Variants in STX11 observed in about 807,000 individuals in gnomAD.
The protein encoded by STX11 is syntaxin-11.
A neutral mutation model predicts 19.9 loss-of-function variants in STX11; 21 were observed. That is an observed-to-expected ratio of 1.06 (90% CI 0.75 to 1.52). The LOEUF (loss-of-function observed/expected upper bound fraction) is 1.52. STX11 is among the 40% of genes most tolerant of loss of function. The pLI is 0.00. For synonymous variants in STX11, 193 were observed against 174.4 expected (o/e 1.11, Z -0.84); for missense variants, 438 against 405.9 (o/e 1.08, Z -0.68).
Position 144,160,338 on chromosome 6 carries a change from C to T in STX11, c.-6+9635C>T, listed in dbSNP as rs1481854853. Among the ~76,000 whole-genome samples, 1 of 152,122 alleles carries T rather than the reference C, an allele frequency of 6.6e-6. No homozygotes were observed. Among genetic ancestry groups the T allele is most frequent in the Admixed American group, 6.6e-5 (1 of 15,266 alleles). On this transcript the variant is annotated intron_variant, in intron 1 of 1. Transcript: ENST00000367568. This position sits in a 1 kb window ranked among gnomAD's most constrained non-coding sequence, Gnocchi z 4.3. ...AAATTATTTTTGTACCTCCTTATTT[C>T]TCCCCATAAATTGTAAGCTTAGGGT... is the stretch of plus-strand genomic sequence containing the variant.
Position 144,151,330 on chromosome 6 carries a change from A to G in STX11, c.-6+627A>G, listed in dbSNP as rs1392159534. The G allele has an allele frequency of 1.0e-6, 1 of 985,282 alleles. No individual in the cohort carries two copies. The highest frequency in any genetic ancestry group is 1.7e-5 in the African/African-American group (1 of 57,230). The allele number at this position is 985,282 out of a possible 1,614,324, so 61.0% of individuals were successfully genotyped here. A position where few individuals can be genotyped will look rare whatever the true frequency, so the allele number is the denominator to read the frequency against. On this transcript the variant is annotated intron_variant, in intron 1 of 1. Coordinates refer to ENST00000367568, the MANE Select transcript of STX11 (RefSeq NM_003764.4). The surrounding 1 kb of genome is among the most constrained non-coding windows in gnomAD (Gnocchi z 4.6). ...CTAGACTCCGCTGACACCAGCTGAG[A>G]TCTGTATTACTTCCTGTGGTTCTCA...
At position 144,165,397 on chromosome 6, in the gene STX11, G is replaced by A. The variant is rs550401139; in HGVS notation, c.-6+14694G>A. Among the ~76,000 whole-genome samples the A allele has an allele frequency of 1.3e-5, 2 of 152,112 alleles. No individual in the cohort carries two copies. The highest frequency in any genetic ancestry group is 4.1e-4 in the South Asian group (2 of 4,826). On this transcript the variant is annotated intron_variant, in intron 1 of 1. Coordinates refer to ENST00000367568, the MANE Select transcript of STX11 (RefSeq NM_003764.4). This position sits in a 1 kb window ranked among gnomAD's most constrained non-coding sequence, Gnocchi z 5.8. ...TTGAACCCGGGAGGCGGAGGTTGCG[G>A]TGAGCAGAGATCGCGCCATTGCACT...
Position 144,188,097 on chromosome 6 carries a change from C to G in STX11, c.*606C>G, listed in dbSNP as rs111644678. 0.01 allele frequency: 2,486 copies of G among 241,756 alleles called. 69 individuals carry two copies. The highest frequency in any genetic ancestry group is 0.05 in the African/African-American group (2,232 of 45,084). The allele number at this position is 241,756 out of a possible 1,614,324, so 15.0% of individuals were successfully genotyped here. On this transcript the variant is annotated 3_prime_UTR_variant, in exon 2 of 2. Transcript: ENST00000367568. The stretch of plus-strand genomic sequence containing the variant: ...ACTTACTATTTTCTTATCTCTTTCA[C>G]TTTTTAAATATCTTTCACCAGGTTA...
Position 144,167,810 on chromosome 6 carries a change from G to C in STX11, c.-6+17107G>C, listed in dbSNP as rs1321766946. Among the ~76,000 whole-genome samples, 1 of 152,042 alleles carries C rather than the reference G, an allele frequency of 6.6e-6. No homozygotes were observed. The highest frequency in any genetic ancestry group is 6.6e-5 in the Admixed American group (1 of 15,266). On this transcript the variant is annotated intron_variant, in intron 1 of 1. Transcript: ENST00000367568. The surrounding 1 kb of genome is among the most constrained non-coding windows in gnomAD (Gnocchi z 5.0). ...ATTATTGTAGTTTGTTGTAGAGGTG[G>C]GGTTTCACCATGTTATCCATGGCTG... is the stretch of plus-strand genomic sequence containing the variant.
rs1054517838 is a variant in STX11, at chr6:144,172,350, C to A, written c.-5-14273C>A. The stretch of plus-strand genomic sequence containing the variant: ...CTGGGGGCTGGCCTAGCTCTCCGTG[C>A]GGTCTTCACCCTCCAGGAGGCTAGT... On this transcript the variant is annotated intron_variant, in intron 1 of 1. Transcript: ENST00000367568. This position sits in a 1 kb window ranked among gnomAD's most constrained non-coding sequence, Gnocchi z 4.2. Among the ~76,000 whole-genome samples, 1 of 152,142 alleles carries A rather than the reference C, an allele frequency of 6.6e-6. No homozygotes were observed. The highest frequency in any genetic ancestry group is 2.1e-4 in the South Asian group (1 of 4,818).
rs976424540 is a variant in STX11 at position 144,159,810 on chromosome 6, T to C, written c.-6+9107T>C. ...TAGGAGGGTGCTTGACAGATTTGCT[T>C]TTGGGTCTTGTTGGAGACAGTGGGT... On this transcript the variant is annotated intron_variant, in intron 1 of 1. Coordinates refer to ENST00000367568, the MANE Select transcript of STX11 (RefSeq NM_003764.4). This position sits in a 1 kb window ranked among gnomAD's most constrained non-coding sequence, Gnocchi z 4.3. 6.6e-6 allele frequency among the ~76,000 whole-genome samples: 1 copy of C among 152,114 alleles called. No homozygotes were observed. Among genetic ancestry groups the C allele is most frequent in the African/African-American group, 2.4e-5 (1 of 41,402 alleles).
At chr6:144,163,404 C>A (rs1331006894) in intron 1 of STX11, among the ~76,000 whole-genome samples, 1 of 152,132 alleles carries the variant, frequency 6.6e-6, no homozygotes, top group Non-Finnish European at 1.5e-5. Flanking sequence ...GAGACCCCAT[C>A]TCTACAAAAA....
At chr6:144,141,921 C>T in the STX11 span, among the ~76,000 whole-genome samples, 2 of 151,954 alleles carry the variant, frequency 1.3e-5, no homozygotes, top group South Asian at 2.1e-4. Flanking sequence ...GGCTCAAGCA[C>T]TCTGCCCACC....
rs943868459 is a variant in STX11, at chr6:144,177,430, T to C, written c.-5-9193T>C. Among the ~76,000 whole-genome samples, 1 of 152,202 alleles carries C rather than the reference T, an allele frequency of 6.6e-6. No homozygotes were observed. Among genetic ancestry groups the C allele is most frequent in the Non-Finnish European group, 1.5e-5 (1 of 68,036 alleles). The stretch of plus-strand genomic sequence containing the variant: ...GAGCCTTGAGGCCTTGACCCTTGAG[T>C]GCTCCTGTCTTTACTTTCTCCCTTA... On this transcript the variant is annotated intron_variant, in intron 1 of 1. Coordinates refer to ENST00000367568, the MANE Select transcript of STX11 (RefSeq NM_003764.4). This position sits in a 1 kb window ranked among gnomAD's most constrained non-coding sequence, Gnocchi z 4.4.
chr6:144,151,917 A>G lies in STX11; in HGVS notation c.-6+1214A>G, dbSNP rs1361016294. Reference sequence around the variant, plus strand: ...AACAGCCCTTAGGAAGGGACTGCACACTATCTCAACACGGTAGAGAAGGGG... The same window carrying G: ...AACAGCCCTTAGGAAGGGACTGCACGCTATCTCAACACGGTAGAGAAGGGG... On this transcript the variant is annotated intron_variant, in intron 1 of 1. Transcript: ENST00000367568. The surrounding 1 kb of genome is among the most constrained non-coding windows in gnomAD (Gnocchi z 4.6). Among the ~76,000 whole-genome samples the G allele has an allele frequency of 6.6e-6, 1 of 152,184 alleles. No homozygotes were observed. Among genetic ancestry groups the G allele is most frequent in the African/African-American group, 2.4e-5 (1 of 41,434 alleles).
upstream of STX11, among the ~76,000 whole-genome samples, chr6:144,147,335 TCA>T (rs764209074): frequency 7.9e-5 from 12 of 152,204 alleles, no homozygotes; most frequent in Admixed American, 2.0e-4. This position sits in a 1 kb window ranked among gnomAD's most constrained non-coding sequence, Gnocchi z 4.2. Flanking sequence ...AGCCCATTCC[TCA>T]GTTTTCCGTC....
Position 144,165,938 on chromosome 6 carries a change from G to A in STX11, c.-6+15235G>A, listed in dbSNP as rs759515079. Among the ~76,000 whole-genome samples, 3 of 152,160 alleles carry A rather than the reference G, an allele frequency of 2.0e-5. No individual in the cohort carries two copies. The highest frequency in any genetic ancestry group is 6.5e-5 in the Admixed American group (1 of 15,280). On this transcript the variant is annotated intron_variant, in intron 1 of 1. Coordinates refer to ENST00000367568, the MANE Select transcript of STX11 (RefSeq NM_003764.4). This position sits in a 1 kb window ranked among gnomAD's most constrained non-coding sequence, Gnocchi z 5.8. ...TGTTAATTGTCTTGCTCAACTTCTC[G>A]CAGCTAGAGATGGAAATGGGAATAA...
In STX11 at chr6:144,170,528, C is replaced by T. The variant is rs915158236; in HGVS notation, c.-5-16095C>T. On this transcript the variant is annotated intron_variant, in intron 1 of 1. Coordinates refer to ENST00000367568, the MANE Select transcript of STX11 (RefSeq NM_003764.4). This position sits in a 1 kb window ranked among gnomAD's most constrained non-coding sequence, Gnocchi z 4.7. ...GAATAGTCCCCTTGTGGCCAATGCT[C>T]AAAAAGTTTTAGATTTTGGAGCATT... Among the ~76,000 whole-genome samples the T allele has an allele frequency of 2.0e-5, 3 of 152,056 alleles. No homozygotes were observed. Among genetic ancestry groups the T allele is most frequent in the Non-Finnish European group, 4.4e-5 (3 of 68,012 alleles).
chr6:144,187,709 C>G lies in STX11; in HGVS notation c.*218C>G. 3 of 661,146 alleles carry G rather than the reference C, an allele frequency of 4.5e-6. No individual in the cohort carries two copies. Among genetic ancestry groups the G allele is most frequent in the Non-Finnish European group, 5.3e-6 (2 of 379,350 alleles). The allele number at this position is 661,146 out of a possible 1,614,324, so 41.0% of individuals were successfully genotyped here. A position where few individuals can be genotyped will look rare whatever the true frequency, so the allele number is the denominator to read the frequency against. ...GATGATTCTTCAGTAAAGATAGATTCCCACAAAGTTGTGCAATGTCATTAT... is the reference window on the plus strand; with the variant it reads ...GATGATTCTTCAGTAAAGATAGATTGCCACAAAGTTGTGCAATGTCATTAT... On this transcript the variant is annotated 3_prime_UTR_variant, in exon 2 of 2. Coordinates refer to ENST00000367568, the MANE Select transcript of STX11 (RefSeq NM_003764.4). The surrounding 1 kb of genome is among the most constrained non-coding windows in gnomAD (Gnocchi z 5.6).
At chr6:144,148,290 C>T (rs1800914770), upstream of STX11, among the ~76,000 whole-genome samples, 1 of 152,216 alleles carries the variant, frequency 6.6e-6, no homozygotes, top group South Asian at 2.1e-4. Context: ...CCAGCATGCT[C>T]CTGCCTCGGG....
the STX11 span, among the ~76,000 whole-genome samples, chr6:144,140,036 G>A: frequency 6.6e-6 from 1 of 151,028 alleles, no homozygotes; most frequent in Admixed American, 6.6e-5. Flanking sequence ...CTCACACCTG[G>A]GGCACACAAG....
rs780336029 is a variant in STX11, at chr6:144,189,033, C to T, written c.*1542C>T. Among the ~76,000 whole-genome samples the T allele has an allele frequency of 9.4e-5, 14 of 149,024 alleles. No individual in the cohort carries two copies. The highest frequency in any genetic ancestry group is 2.1e-4 in the Non-Finnish European group (14 of 67,144). ...GAGCCACCATGCCTGGCCTTTTTTCCCCCCTTTTGAGACAGGGTCTCCCTT... is the reference window on the plus strand; with the variant it reads ...GAGCCACCATGCCTGGCCTTTTTTCTCCCCTTTTGAGACAGGGTCTCCCTT... On this transcript the variant is annotated 3_prime_UTR_variant, in exon 2 of 2. Coordinates refer to ENST00000367568, the MANE Select transcript of STX11 (RefSeq NM_003764.4).
intron 1 of STX11, among the ~76,000 whole-genome samples, chr6:144,185,461 A>G (rs1377720341): frequency 1.3e-5 from 2 of 152,236 alleles, no homozygotes; most frequent in Non-Finnish European, 2.9e-5. Flanking sequence ...GCATATATAC[A>G]TGCTACTAAA....
Position 144,180,678 on chromosome 6 carries a change from G to A in STX11, c.-5-5945G>A, listed in dbSNP as rs1801889764. Among the ~76,000 whole-genome samples, 1 of 152,192 alleles carries A rather than the reference G, an allele frequency of 6.6e-6. No homozygotes were observed. Among genetic ancestry groups the A allele is most frequent in the South Asian group, 2.1e-4 (1 of 4,834 alleles). ...CTCTTTTCTTCCCAGTCTTGGGTAT[G>A]TCTTTATCAGCAGTGTGAAAATGGA... On this transcript the variant is annotated intron_variant, in intron 1 of 1. Coordinates refer to ENST00000367568, the MANE Select transcript of STX11 (RefSeq NM_003764.4). The surrounding 1 kb of genome is among the most constrained non-coding windows in gnomAD (Gnocchi z 5.3).
Sources: allele counts gnomAD v4.1 joint callset (sites outside exome capture counted in the v4.1 genomes callset), GRCh38; gene constraint gnomAD v4.1.1; non-coding constraint Gnocchi (gnomAD v3.1); transcripts MANE v1.5; gene names NCBI Gene and HGNC (gene_info 2026-07-23, HGNC 2026-07-21).